CACNA2D3: variants seen among roughly 807,000 people sequenced by gnomAD.
CACNA2D3 encodes the protein voltage-dependent calcium channel subunit alpha-2/delta-3.
Under a neutral mutation model 160.6 loss-of-function variants are expected in CACNA2D3, and 60 were observed. That is an observed-to-expected ratio of 0.37 (90% CI 0.30 to 0.46). The LOEUF (loss-of-function observed/expected upper bound fraction) is 0.46. Ranked by LOEUF, CACNA2D3 falls within the 20% of genes least tolerant of loss-of-function variation. CACNA2D3 has a pLI of 1.00. For missense variants in CACNA2D3, 1,205 were observed against 1,365.0 expected, an observed-to-expected ratio of 0.88 and a Z score of 1.85; for synonymous variants, 558 against 492.9, an observed-to-expected ratio of 1.13 and a Z score of -1.75.
intron 9 of CACNA2D3, among the ~76,000 whole-genome samples, chr3:54,607,322 T>A (rs759706657): frequency 4.6e-5 from 7 of 152,062 alleles, no homozygotes; most frequent in Non-Finnish European, 8.8e-5. Context: ...GGTTTTTTTG[T>A]TTTGTTTTGT....
intron 13 of CACNA2D3, among the ~76,000 whole-genome samples, chr3:54,814,918 TTGTCATACTCA>T (rs376080580): frequency 3.9e-5 from 6 of 152,306 alleles, no homozygotes; most frequent in African/African-American, 1.4e-4. Context: ...CATCAAACAT[TTGTCATACTCA>T]TGGCCCCTTG....
At chr3:54,262,426 G>A (rs896865020) in intron 2 of CACNA2D3, among the ~76,000 whole-genome samples, 3 of 152,120 alleles carry the variant, frequency 2.0e-5, no homozygotes, top group Non-Finnish European at 4.4e-5. Context: ...GCTAAAGGTC[G>A]AAGGCAGGCA....
intron 4 of CACNA2D3, among the ~76,000 whole-genome samples, chr3:54,447,555 C>T (rs765311922): frequency 3.9e-5 from 6 of 152,198 alleles, no homozygotes; most frequent in Non-Finnish European, 8.8e-5. Flanking sequence ...GCCTCAGAGC[C>T]AGGCAGAGCT....
chr3:54,975,373 G>A (rs1229214088), intron 29 of CACNA2D3, among the ~76,000 whole-genome samples: 1 of 152,056 alleles, frequency 6.6e-6, no homozygotes, highest in Non-Finnish European at 1.5e-5. Context: ...ACAAAAATTA[G>A]CTAGGCATTG....
intron 11 of CACNA2D3, among the ~76,000 whole-genome samples, chr3:54,660,365 T>G (rs892450961): frequency 2.0e-5 from 3 of 152,088 alleles, no homozygotes; most frequent in African/African-American, 7.2e-5. Flanking sequence ...TTTCACCGTA[T>G]TAGCCAGGGT....
intron 2 of CACNA2D3, among the ~76,000 whole-genome samples, chr3:54,257,895 T>C (rs906454671): frequency 3.9e-5 from 6 of 152,160 alleles, no homozygotes; most frequent in African/African-American, 1.4e-4. Flanking sequence ...TCGAAGAAAT[T>C]AGAAAATGGG....
At chr3:54,323,333 T>C (rs990052603) in intron 3 of CACNA2D3, among the ~76,000 whole-genome samples, 2 of 152,190 alleles carry the variant, frequency 1.3e-5, no homozygotes, top group African/African-American at 4.8e-5. Context: ...GGGTTTGCAG[T>C]GGAGTCATTA....
intron 9 of CACNA2D3, among the ~76,000 whole-genome samples, chr3:54,618,372 T>C (rs962756169): frequency 2.8e-5 from 2 of 71,646 alleles, no homozygotes; most frequent in African/African-American, 1.4e-4. Flanking sequence ...TATATATATA[T>C]ATGCACACAC....
At chr3:54,869,726 T>TC (rs1699481954) in intron 17 of CACNA2D3, among the ~76,000 whole-genome samples, 1 of 152,114 alleles carries the variant, frequency 6.6e-6, no homozygotes, top group African/African-American at 2.4e-5. Flanking sequence ...TGCCCCGCAC[T>TC]CCTCCACACT....
intron 2 of CACNA2D3, among the ~76,000 whole-genome samples, chr3:54,211,581 A>T (rs1375119599): frequency 6.6e-6 from 1 of 152,234 alleles, no homozygotes. Context: ...TGACACCATT[A>T]CCTGCTCCTT....
At chr3:54,653,527 G>T (rs554423953) in intron 11 of CACNA2D3, among the ~76,000 whole-genome samples, 3 of 152,322 alleles carry the variant, frequency 2.0e-5, no homozygotes, top group African/African-American at 7.2e-5. Flanking sequence ...GACAGGAAAA[G>T]GCATTTTCAG....
chr3:54,206,990 A>G (rs923513995), intron 2 of CACNA2D3, among the ~76,000 whole-genome samples: 6 of 152,208 alleles, frequency 3.9e-5, no homozygotes, highest in African/African-American at 1.4e-4. Context: ...AGCCCCTGAC[A>G]GGGCATACTC....
At chr3:54,944,155 C>G (rs1345526057) in intron 27 of CACNA2D3, among the ~76,000 whole-genome samples, 1 of 151,810 alleles carries the variant, frequency 6.6e-6, no homozygotes, top group Non-Finnish European at 1.5e-5. Flanking sequence ...AGCCTCCACC[C>G]TAGAAGCTTT....
intron 11 of CACNA2D3, among the ~76,000 whole-genome samples, chr3:54,663,143 A>AGAACCCTCCAGAGCTTTCTGGAAG (rs1700001577): frequency 1.3e-5 from 2 of 152,262 alleles, no homozygotes. Context: ...GTGCTTCAGA[A>AGAACCCTCCAGAGCTTTCTGGAAG]GAACCCTCCA....
intron 17 of CACNA2D3, among the ~76,000 whole-genome samples, chr3:54,861,496 A>G (rs1207170803): frequency 6.6e-6 from 1 of 152,164 alleles, no homozygotes; most frequent in Admixed American, 6.5e-5. Flanking sequence ...GTTGGGTGCC[A>G]TCACCTAGGA....
intron 2 of CACNA2D3, among the ~76,000 whole-genome samples, chr3:54,196,563 C>T (rs750780267): frequency 3.9e-5 from 6 of 152,188 alleles, no homozygotes; most frequent in African/African-American, 7.2e-5. Flanking sequence ...CACTGACAAA[C>T]GGAATCTGGA....
chr3:54,482,344 A>G (rs1470616328), intron 4 of CACNA2D3, among the ~76,000 whole-genome samples: 2 of 152,216 alleles, frequency 1.3e-5, no homozygotes, highest in African/African-American at 4.8e-5. Flanking sequence ...ACACTTAGTT[A>G]TTCTATCCCT....
At chr3:54,754,356 C>G (rs903108859) in intron 12 of CACNA2D3, among the ~76,000 whole-genome samples, 1 of 152,238 alleles carries the variant, frequency 6.6e-6, no homozygotes, top group Non-Finnish European at 1.5e-5. Context: ...CTGGGTAGAT[C>G]TGAGTCACGT....
chr3:54,961,484 T>C (rs1702028548), intron 27 of CACNA2D3, among the ~76,000 whole-genome samples: 1 of 152,248 alleles, frequency 6.6e-6, no homozygotes, highest in African/African-American at 2.4e-5. Flanking sequence ...ACTATATTCC[T>C]ACCTATGGAT....
Sources: gnomAD v4.1 joint callset for allele counts (sites outside exome capture counted in the v4.1 genomes callset) on GRCh38, gnomAD v4.1.1 for gene constraint, MANE v1.5 for transcripts, NCBI Gene and HGNC (gene_info 2026-07-23, HGNC 2026-07-21) for gene names.